Variants in CREBBP observed in about 807,000 individuals in gnomAD.
The protein encoded by CREBBP is CREB-binding protein.
Under a neutral mutation model 265.0 loss-of-function variants are expected in CREBBP, and 19 were observed. That is an observed-to-expected ratio of 0.07 (90% CI 0.05 to 0.11). The LOEUF is 0.11. CREBBP is among the 10% of genes least tolerant of loss of function. The pLI is 1.00. For synonymous variants in CREBBP, 1,457 were observed against 1,223.7 expected (o/e 1.19, Z -3.98); for missense variants, 2,525 against 3,219.0 (o/e 0.78, Z 5.22).
rs3025681 is a variant in CREBBP at position 3,744,267 on chromosome 16, G to C, written c.3982+627C>G. On this transcript the variant is annotated intron_variant, in intron 23 of 30. Transcript: ENST00000262367. The stretch of plus-strand genomic sequence containing the variant: ...TGGCTCATACCCCACTGTAGCAGAA[G>C]CCAGCACCCACGGGACAGACCCACG... 2.3e-3 allele frequency among the ~76,000 whole-genome samples: 347 copies of C among 152,284 alleles called. 1 individual carries two copies. Among genetic ancestry groups the C allele is most frequent in the African/African-American group, 6.8e-3 (283 of 41,562 alleles).
At chr16:3,811,406 C>T (rs962949790) in intron 2 of CREBBP, among the ~76,000 whole-genome samples, 2 of 152,200 alleles carry the variant, frequency 1.3e-5, no homozygotes, top group Non-Finnish European at 2.9e-5. Flanking sequence ...TCCTCCTCAA[C>T]GTGAAGACAA....
At chr16:3,790,458 T>C (rs1261198496) in intron 5 of CREBBP, among the ~76,000 whole-genome samples, 3 of 125,322 alleles carry the variant, frequency 2.4e-5, no homozygotes, top group Non-Finnish European at 4.7e-5. Context: ...CACCGCAACC[T>C]CCACCTCCCA....
At chr16:3,849,375 G>C (rs2141478943) in intron 2 of CREBBP, among the ~76,000 whole-genome samples, 1 of 143,514 alleles carries the variant, frequency 7.0e-6, no homozygotes, top group East Asian at 2.1e-4. Flanking sequence ...CAGAGCTCTT[G>C]GCCGTGTGTG....
chr16:3,865,029 A>C (rs1567374540), intron 1 of CREBBP, among the ~76,000 whole-genome samples: 1 of 152,238 alleles, frequency 6.6e-6, no homozygotes, highest in Non-Finnish European at 1.5e-5. Context: ...AATGCACTCC[A>C]GCCTGGGCGA....
At position 3,793,512 on chromosome 16, in the gene CREBBP, C is replaced by A; in HGVS notation, c.1090G>T (p.Ala364Ser). 6.2e-7 allele frequency: 1 copy of A among 1,614,178 alleles called. No individual in the cohort carries two copies. The highest frequency in any genetic ancestry group is 8.5e-7 in the Non-Finnish European group (1 of 1,180,036). ...IQQQLVLLLH[A>S]HKCQRREQAN... ...TGCTCTCGTCTCTGACACTTATGAGCATGAAGCAGTAGAACCAGCTGCTGC... is the reference window on the plus strand; with the variant it reads ...TGCTCTCGTCTCTGACACTTATGAGAATGAAGCAGTAGAACCAGCTGCTGC... The change falls in exon 4 of 31, where the codon GCT (alanine) becomes TCT (serine). Residue 364 changes from alanine to serine, a missense_variant. Ala to Ser is a moderately conservative substitution (Grantham distance 99, BLOSUM62 1). Around this residue, in one of 19 missense-constraint regions of CREBBP, gnomAD observed 126 missense variants for 171.9 expected, o/e 0.73. Coordinates refer to ENST00000262367, the MANE Select transcript of CREBBP (RefSeq NM_004380.3).
At position 3,736,785 on chromosome 16, in the gene CREBBP, A is replaced by G. The variant is rs1225198173; in HGVS notation, c.4425T>C (p.Pro1475=). 1.9e-6 allele frequency: 3 copies of G among 1,614,010 alleles called. No homozygotes were observed. The highest frequency in any genetic ancestry group is 1.7e-6 in the Non-Finnish European group (2 of 1,179,948). The part of the protein sequence containing the change: ...GYVTGHIWAC[P]PSEGDDYIFH... ...AGATGTAATCATCTCCTTCACTTGG[A>G]GGACAGGCCCAGATGTGCCCTGTCA... The change falls in exon 27 of 31, where the codon CCT becomes CCC. Residue 1475 remains proline (P), a synonymous_variant. Coordinates refer to ENST00000262367, the MANE Select transcript of CREBBP (RefSeq NM_004380.3).
chr16:3,842,124 T>C (rs1440498896), intron 2 of CREBBP, among the ~76,000 whole-genome samples: 1 of 152,190 alleles, frequency 6.6e-6, no homozygotes, highest in Non-Finnish European at 1.5e-5. Flanking sequence ...TAAGCCCTAA[T>C]CTGACCCCCT....
intron 2 of CREBBP, among the ~76,000 whole-genome samples, chr16:3,842,124 T>A (rs1440498896): frequency 6.6e-6 from 1 of 152,190 alleles, no homozygotes; most frequent in Non-Finnish European, 1.5e-5. Context: ...TAAGCCCTAA[T>A]CTGACCCCCT....
chr16:3,850,585 C>T lies in CREBBP; in HGVS notation c.510G>A (p.Gln170=), dbSNP rs748802681. The change falls in exon 2 of 31, where the codon CAG becomes CAA. Residue 170 remains glutamine (Q), a synonymous_variant. Coordinates refer to ENST00000262367, the MANE Select transcript of CREBBP (RefSeq NM_004380.3). ...GLATSSPATS[Q]TGPGICMNAN... Reference sequence around the variant, plus strand: ...CATTCATGCAGATACCAGGTCCAGTCTGTGACGTGGCAGGGCTGCTAGTCG... The same window carrying T: ...CATTCATGCAGATACCAGGTCCAGTTTGTGACGTGGCAGGGCTGCTAGTCG... 6.2e-7 allele frequency: 1 copy of T among 1,614,252 alleles called. No homozygotes were observed. The highest frequency in any genetic ancestry group is 8.5e-7 in the Non-Finnish European group (1 of 1,180,052).
At chr16:3,735,391 G>A (rs2052028690) in intron 28 of CREBBP, among the ~76,000 whole-genome samples, 1 of 152,096 alleles carries the variant, frequency 6.6e-6, no homozygotes. Context: ...CCGCCTCCCG[G>A]GTTCAAGCGA....
chr16:3,739,552 C>T (rs764692694), intron 25 of CREBBP, 26 bp downstream of exon 25: 7 of 1,614,048 alleles, frequency 4.3e-6, no homozygotes, highest in Middle Eastern at 1.7e-4. Context: ...CTGAATGACA[C>T]GCCCTGGAAG....
intron 19 of CREBBP, among the ~76,000 whole-genome samples, chr16:3,753,645 C>T (rs534375038): frequency 1.3e-5 from 2 of 152,104 alleles, no homozygotes; most frequent in Admixed American, 6.6e-5. Context: ...GAAGAACTTC[C>T]GTGTGCAGGA....
In CREBBP at chr16:3,782,870, C is replaced by G. The variant is rs1567309806; in HGVS notation, c.1387G>C (p.Gly463Arg). The change falls in exon 6 of 31, where the codon GGG becomes CGG. Residue 463 changes from glycine to arginine, a missense_variant. Around this residue, in one of 19 missense-constraint regions of CREBBP, gnomAD observed 48 missense variants for 70.2 expected, o/e 0.68. Coordinates refer to ENST00000262367, the MANE Select transcript of CREBBP (RefSeq NM_004380.3). The stretch of plus-strand genomic sequence containing the variant: ...CTTAAAGAAGTGGCATTCTGTTGCC[C>G]TGTGCCAACAGAACCAATTGTGTTT... ...IQNTIGSVGT[G>R]QQNATSLSNP... 8 of 1,614,038 alleles carry G rather than the reference C, an allele frequency of 5.0e-6. No homozygotes were observed. Among genetic ancestry groups the G allele is most frequent in the East Asian group, 2.2e-5 (1 of 44,892 alleles).
intron 30 of CREBBP, among the ~76,000 whole-genome samples, chr16:3,730,188 T>G (rs1379825021): frequency 6.6e-6 from 1 of 152,144 alleles, no homozygotes; most frequent in Admixed American, 6.5e-5. Context: ...AAAGATAACC[T>G]GACCCATGCC....
chr16:3,734,356 T>G (rs1373643502), intron 28 of CREBBP, among the ~76,000 whole-genome samples: 1 of 152,078 alleles, frequency 6.6e-6, no homozygotes, highest in South Asian at 2.1e-4. Context: ...GGACAGCAGG[T>G]CTACATGCCG....
intron 14 of CREBBP, 45 bp from the exon 15 acceptor site, chr16:3,769,398 T>C (rs369559444): frequency 2.5e-6 from 4 of 1,609,204 alleles, no homozygotes; most frequent in African/African-American, 2.7e-5. Flanking sequence ...CAAGGTAACA[T>C]AAATGATCTT....
chr16:3,822,290 A>G (rs918127635), intron 2 of CREBBP, among the ~76,000 whole-genome samples: 14 of 152,218 alleles, frequency 9.2e-5, no homozygotes, highest in African/African-American at 2.9e-4. Flanking sequence ...AGGAGGCGGC[A>G]ATAAAGGAAG....
At chr16:3,841,420 C>T (rs930895186) in intron 2 of CREBBP, among the ~76,000 whole-genome samples, 1 of 151,802 alleles carries the variant, frequency 6.6e-6, no homozygotes, top group African/African-American at 2.4e-5. Flanking sequence ...AAACTTTGTG[C>T]TCTTTTTACA....
At chr16:3,835,451 TAC>T (rs1217564741) in intron 2 of CREBBP, among the ~76,000 whole-genome samples, 1 of 151,816 alleles carries the variant, frequency 6.6e-6, no homozygotes, top group Non-Finnish European at 1.5e-5. Context: ...GCCCTTAGAC[TAC>T]AGAGTCCAGA....
Sources: gnomAD v4.1 joint callset for allele counts (sites outside exome capture counted in the v4.1 genomes callset) on GRCh38, gnomAD v4.1.1 for gene constraint, gnomAD v4.1.1 regional missense constraint, MANE v1.5 for transcripts, NCBI Gene and HGNC (gene_info 2026-07-23, HGNC 2026-07-21) for gene names.